The following NCKAP5 variants were observed in gnomAD, a reference collection of about 807,000 sequenced individuals.
NCKAP5 encodes NCK associated protein 5.
A neutral mutation model predicts 167.0 loss-of-function variants in NCKAP5; 92 were observed. The observed-to-expected ratio is 0.55, with a 90% CI of 0.47 to 0.66. The LOEUF (loss-of-function observed/expected upper bound fraction) is 0.66, where lower values mean the gene tolerates loss of function less well. NCKAP5 is among the 30% of genes least tolerant of loss of function. The pLI is 0.00. For missense variants in NCKAP5, 2,378 were observed against 2,315.0 expected (o/e 1.03, Z -0.56); for synonymous variants, 891 against 877.4 (o/e 1.02, Z -0.27).
the NCKAP5 span, among the ~76,000 whole-genome samples, chr2:133,605,225 C>T: frequency 4.2e-3 from 635 of 152,272 alleles, 1 homozygote; most frequent in Middle Eastern, 0.024. Flanking sequence ...TCTCATATAA[C>T]GGCCTCCTTG....
intron 8 of NCKAP5, among the ~76,000 whole-genome samples, chr2:132,885,666 A>G (rs991862327): frequency 6.6e-6 from 1 of 152,224 alleles, no homozygotes; most frequent in African/African-American, 2.4e-5. Flanking sequence ...TTGACTTGAT[A>G]CGTAAAAGGA....
At chr2:133,447,985 G>C (rs1404948289) in intron 3 of NCKAP5, among the ~76,000 whole-genome samples, 1 of 152,138 alleles carries the variant, frequency 6.6e-6, no homozygotes, top group Admixed American at 6.6e-5. Flanking sequence ...ACTGCTGAGA[G>C]TACCCATCAG....
At chr2:132,793,348 A>G (rs1003340019) in intron 12 of NCKAP5, among the ~76,000 whole-genome samples, 24 of 152,182 alleles carry the variant, frequency 1.6e-4, no homozygotes, top group African/African-American at 5.6e-4. Flanking sequence ...AGGGAGGTGG[A>G]GAAGGCCTGT....
intron 2 of NCKAP5, among the ~76,000 whole-genome samples, chr2:133,518,344 ATTTTTTT>A (rs751025050): frequency 0.07 from 5,226 of 74,894 alleles, 193 homozygotes; most frequent in South Asian, 0.17. Flanking sequence ...ACAGTAAAGG[ATTTTTTT>A]TTTTTTTTTT....
In NCKAP5 at chr2:133,459,186, A is replaced by G. The variant is rs74647082; in HGVS notation, c.69+58272T>C. Among the ~76,000 whole-genome samples the G allele has an allele frequency of 3.0e-3, 463 of 152,270 alleles. 1 individual carries two copies. Among genetic ancestry groups the G allele is most frequent in the African/African-American group, 0.011 (452 of 41,564 alleles). The stretch of plus-strand genomic sequence containing the variant: ...ATTTTCTTAGCATTTTCCTTCACAA[A>G]GCCAGATTCCATGTATGTTTTGTAC... On this transcript the variant is annotated intron_variant, in intron 3 of 19. Transcript: ENST00000409261.
In NCKAP5 at chr2:132,790,057, T is replaced by C; in HGVS notation, c.1058A>G (p.Tyr353Cys). Residue 353 changes from tyrosine (Y) to cysteine (C), a missense_variant, in exon 13 of 20, where the codon TAC becomes TGC. Transcript: ENST00000409261. The stretch of plus-strand genomic sequence containing the variant: ...GAGGTTCTTCCCATCGTGCCACGTG[T>C]AGGAGGAGCCACTGGAGTACTCGCT... ...TCSEYSSGSS[Y>C]TWHDGKNLRK... 1 of 1,613,098 alleles carries C rather than the reference T, an allele frequency of 6.2e-7. No homozygotes were observed. The highest frequency in any genetic ancestry group is 8.5e-7 in the Non-Finnish European group (1 of 1,179,490).
At chr2:132,688,924 T>C (rs1468072553) in intron 19 of NCKAP5, among the ~76,000 whole-genome samples, 1 of 131,036 alleles carries the variant, frequency 7.6e-6, no homozygotes, top group Non-Finnish European at 1.5e-5. Flanking sequence ...AGATTGAGGC[T>C]ACAGTGAGCC....
At chr2:132,878,962 G>A (rs778174292) in intron 8 of NCKAP5, 46 bp from the exon 9 acceptor site, 1 of 1,467,858 alleles carries the variant, frequency 6.8e-7, no homozygotes, top group Non-Finnish European at 9.5e-7. Flanking sequence ...ATGAAATGTT[G>A]TGTTATGTGA....
chr2:132,807,180 A>G (rs1685505987), intron 11 of NCKAP5, among the ~76,000 whole-genome samples: 2 of 151,958 alleles, frequency 1.3e-5, no homozygotes, highest in Non-Finnish European at 2.9e-5. Flanking sequence ...ATAGTTTGAA[A>G]TTGGTTAGTG....
At chr2:133,597,698 A>AG in the NCKAP5 span, among the ~76,000 whole-genome samples, 4 of 141,538 alleles carry the variant, frequency 2.8e-5, no homozygotes, top group African/African-American at 2.7e-5. Flanking sequence ...AAAAAAAAAA[A>AG]GAAGAGAAAA....
intron 3 of NCKAP5, among the ~76,000 whole-genome samples, chr2:133,351,622 CA>C (rs1290485598): frequency 3.3e-5 from 5 of 152,124 alleles, no homozygotes; most frequent in African/African-American, 1.2e-4. Flanking sequence ...AAAAGACACA[CA>C]AGGAGGAGGT....
At chr2:132,769,305 A>T (rs571377082) in intron 16 of NCKAP5, among the ~76,000 whole-genome samples, 1 of 152,290 alleles carries the variant, frequency 6.6e-6, no homozygotes, top group East Asian at 1.9e-4. Flanking sequence ...AACTAACATG[A>T]TTACCCTTAA....
rs1574451801 is a variant in NCKAP5 at position 132,862,292 on chromosome 2, G to A, written c.688-1681C>T. On this transcript the variant is annotated intron_variant, in intron 10 of 19. Coordinates refer to ENST00000409261, the MANE Select transcript of NCKAP5 (RefSeq NM_207363.3). ...AGTAGTATTAATTCTATTAAAGGGG[G>A]CAAAGAAACAGGCCAAGGTATAGCC... 2.0e-5 allele frequency among the ~76,000 whole-genome samples: 3 copies of A among 152,188 alleles called. No individual in the cohort carries two copies. In the East Asian group the frequency reaches 5.8e-4, roughly 29 times the overall value.
chr2:133,419,703 T>A (rs1689349782), intron 3 of NCKAP5, among the ~76,000 whole-genome samples: 1 of 152,242 alleles, frequency 6.6e-6, no homozygotes, highest in Admixed American at 6.5e-5. Flanking sequence ...ATGATTTTCC[T>A]GGGCTATTTA....
intron 7 of NCKAP5, among the ~76,000 whole-genome samples, chr2:132,993,565 AG>A (rs2077506058): frequency 6.6e-6 from 1 of 152,172 alleles, no homozygotes; most frequent in East Asian, 1.9e-4. Flanking sequence ...CATACACCCC[AG>A]ACCCCATCCA....
In NCKAP5 at chr2:132,845,392, T is replaced by C. The variant is rs181496652; in HGVS notation, c.807+15100A>G. ...AATACACTAAAATTAAAACAAAAAG[T>C]CTTCAGTGTTTTCTTCAGTATTTAC... On this transcript the variant is annotated intron_variant, in intron 11 of 19. Transcript: ENST00000409261. 2.4e-3 allele frequency among the ~76,000 whole-genome samples: 365 copies of C among 152,250 alleles called. 1 individual carries two copies. The highest frequency in any genetic ancestry group is 2.1e-3 in the Non-Finnish European group (141 of 67,998).
intron 6 of NCKAP5, among the ~76,000 whole-genome samples, chr2:133,040,340 G>A (rs2079172622): frequency 6.6e-6 from 1 of 152,090 alleles, no homozygotes; most frequent in Admixed American, 6.6e-5. Context: ...GAATACTTTT[G>A]CAGTGACCTA....
Position 132,761,806 on chromosome 2 carries a change from G to C in NCKAP5, c.5128+12010C>G, listed in dbSNP as rs1331287415. On this transcript the variant is annotated intron_variant, in intron 16 of 19. Coordinates refer to ENST00000409261, the MANE Select transcript of NCKAP5 (RefSeq NM_207363.3). ...AACTGGAGCTGCTTCCCTAGAACAG[G>C]TCATGTTCCCTATATACCTCAAATC... 3.3e-5 allele frequency among the ~76,000 whole-genome samples: 5 copies of C among 152,186 alleles called. No individual in the cohort carries two copies. The East Asian group carries it at 9.7e-4, about 29-fold the overall frequency.
intron 8 of NCKAP5, among the ~76,000 whole-genome samples, chr2:132,960,915 A>T (rs538809679): frequency 4.9e-4 from 75 of 152,188 alleles, no homozygotes; most frequent in Non-Finnish European, 8.2e-4. Flanking sequence ...ATTAGGGCAT[A>T]CAAATATGGT....
Sources: gnomAD v4.1 joint callset for allele counts (sites outside exome capture counted in the v4.1 genomes callset) on GRCh38, gnomAD v4.1.1 for gene constraint, MANE v1.5 for transcripts, NCBI Gene and HGNC (gene_info 2026-07-23, HGNC 2026-07-21) for gene names.